The following TTC7B variants were observed in gnomAD, a reference collection of about 807,000 sequenced individuals.
The protein encoded by TTC7B is tetratricopeptide repeat protein 7B.
Under a neutral mutation model 106.8 loss-of-function variants are expected in TTC7B, and 28 were observed. That is an observed-to-expected ratio of 0.26 (90% CI 0.19 to 0.36). The LOEUF (loss-of-function observed/expected upper bound fraction) is 0.36, where lower values mean the gene tolerates loss of function less well. TTC7B is among the 10% of genes least tolerant of loss of function. TTC7B has a pLI of 1.00. For synonymous variants in TTC7B, 405 were observed against 430.6 expected (o/e 0.94, Z 0.74); for missense variants, 862 against 1,076.4 (o/e 0.80, Z 2.79).
intron 1 of TTC7B, among the ~76,000 whole-genome samples, chr14:90,813,880 C>G (rs1038962080): frequency 6.6e-5 from 10 of 152,150 alleles, no homozygotes; most frequent in Admixed American, 1.3e-4. Flanking sequence ...TCTACCAGCC[C>G]GAGAGTGGGA....
intron 15 of TTC7B, among the ~76,000 whole-genome samples, chr14:90,641,942 T>C (rs965411910): frequency 2.0e-5 from 3 of 151,810 alleles, no homozygotes; most frequent in African/African-American, 4.8e-5. Context: ...TGCGTGTGTG[T>C]GTGTGTGTGT....
chr14:90,696,488 C>T (rs543017815), intron 5 of TTC7B, among the ~76,000 whole-genome samples: 42 of 152,168 alleles, frequency 2.8e-4, no homozygotes, highest in Non-Finnish European at 5.1e-4. Flanking sequence ...CCAGTGCAAA[C>T]GTGTCAGCCA....
intron 5 of TTC7B, among the ~76,000 whole-genome samples, chr14:90,696,190 A>C: frequency 6.6e-6 from 1 of 152,202 alleles, no homozygotes; most frequent in East Asian, 1.9e-4. Flanking sequence ...GAGCTCCCTG[A>C]GTGTGAGCAG....
At chr14:90,638,073 T>TG (rs1271819378) in intron 15 of TTC7B, among the ~76,000 whole-genome samples, 2 of 151,404 alleles carry the variant, frequency 1.3e-5, no homozygotes, top group Non-Finnish European at 2.9e-5. Context: ...TATCTAGAGA[T>TG]GGGGTCTCAC....
intron 1 of TTC7B, among the ~76,000 whole-genome samples, chr14:90,788,065 T>G (rs530994456): frequency 4.0e-5 from 5 of 123,630 alleles, no homozygotes; most frequent in African/African-American, 1.3e-4. Context: ...CTAGGGAGGC[T>G]GAGGCAAGAG....
intron 5 of TTC7B, among the ~76,000 whole-genome samples, chr14:90,722,135 G>A (rs1440759487): frequency 6.6e-6 from 1 of 152,178 alleles, no homozygotes; most frequent in Admixed American, 6.5e-5. Context: ...GCATCCCCAA[G>A]TTGGCCTTAG....
At chr14:90,674,083 G>A (rs957383474) in intron 9 of TTC7B, among the ~76,000 whole-genome samples, 11 of 152,072 alleles carry the variant, frequency 7.2e-5, no homozygotes, top group South Asian at 2.1e-4. Context: ...GGTTTGTTAC[G>A]TGAATTGTAC....
chr14:90,743,932 C>T (rs527917690), intron 4 of TTC7B, among the ~76,000 whole-genome samples: 11 of 152,368 alleles, frequency 7.2e-5, no homozygotes, highest in African/African-American at 1.2e-4. Flanking sequence ...CTTAGAACCC[C>T]GAGCTCACTC....
intron 19 of TTC7B, among the ~76,000 whole-genome samples, chr14:90,548,478 A>G (rs1359817305): frequency 2.6e-5 from 4 of 152,238 alleles, no homozygotes; most frequent in Admixed American, 2.6e-4. Flanking sequence ...TGTGCAAGCC[A>G]TTATGATCAA....
At position 90,676,664 on chromosome 14, in the gene TTC7B, A is replaced by C. The variant is rs1462303101; in HGVS notation, c.1015-4T>G. The C allele has an allele frequency of 6.2e-7, 1 of 1,613,204 alleles. No homozygotes were observed. Among genetic ancestry groups the C allele is most frequent in the Admixed American group, 1.7e-5 (1 of 59,980 alleles). On this transcript the variant is annotated splice_polypyrimidine_tract_variant and splice_region_variant and intron_variant, in intron 8 of 19. Coordinates refer to ENST00000328459, the MANE Select transcript of TTC7B (RefSeq NM_001010854.2). ...TCAGCACAGCGTCCCGGTTGGCCTG[A>C]AAAAACATGGAATAGAGAAGCAGAT... is the stretch of plus-strand genomic sequence containing the variant.
intron 19 of TTC7B, among the ~76,000 whole-genome samples, chr14:90,558,716 C>A (rs1890435928): frequency 6.6e-6 from 1 of 152,240 alleles, no homozygotes; most frequent in Admixed American, 6.5e-5. Flanking sequence ...GCCCTGCCGG[C>A]CTCTGTTCAC....
At position 90,766,963 on chromosome 14, in the gene TTC7B, ACT is replaced by A. The variant is rs1027605256; in HGVS notation, c.445+13773_445+13774del. 4 of 1,434,568 alleles carry A rather than the reference ACT, an allele frequency of 2.8e-6. No individual in the cohort carries two copies. The Admixed American group carries it at 6.9e-5, about 25-fold the overall frequency. The allele number at this position is 1,434,568 out of a possible 1,614,324, so 88.9% of individuals were successfully genotyped here. The stretch of plus-strand genomic sequence containing the variant: ...CAAGACCACTGGCCGCCATGGCCGC[ACT>A]GTGGGTGTGTCCAAGAAGAAATAAG... On this transcript the variant is annotated intron_variant, in intron 3 of 19. Coordinates refer to ENST00000328459, the MANE Select transcript of TTC7B (RefSeq NM_001010854.2).
intron 17 of TTC7B, among the ~76,000 whole-genome samples, chr14:90,604,352 T>C (rs1465954088): frequency 2.0e-5 from 3 of 152,254 alleles, no homozygotes; most frequent in Non-Finnish European, 4.4e-5. Flanking sequence ...ATACACGGTG[T>C]TTAAACAGTA....
At chr14:90,724,587 C>T (rs1288274838) in intron 5 of TTC7B, among the ~76,000 whole-genome samples, 3 of 152,192 alleles carry the variant, frequency 2.0e-5, no homozygotes, top group African/African-American at 7.2e-5. Flanking sequence ...CACTCTCTTG[C>T]TCCTGCTCTG....
intron 5 of TTC7B, among the ~76,000 whole-genome samples, chr14:90,702,458 G>A (rs560202816): frequency 6.6e-6 from 1 of 152,166 alleles, no homozygotes; most frequent in South Asian, 2.1e-4. Context: ...AAACTAGTCA[G>A]TAAATGTAGG....
At chr14:90,547,524 T>G (rs564613987) in intron 19 of TTC7B, among the ~76,000 whole-genome samples, 1 of 152,354 alleles carries the variant, frequency 6.6e-6, no homozygotes, top group African/African-American at 2.4e-5. Context: ...GGCTGGACAC[T>G]GTGGCTCACG....
intron 19 of TTC7B, among the ~76,000 whole-genome samples, chr14:90,558,162 C>G (rs1005921116): frequency 1.3e-5 from 2 of 152,276 alleles, no homozygotes; most frequent in African/African-American, 2.4e-5. Flanking sequence ...GCCTCCGTGC[C>G]AGGGTGCCCC....
At chr14:90,637,298 T>C (rs917712897) in intron 15 of TTC7B, among the ~76,000 whole-genome samples, 5 of 152,034 alleles carry the variant, frequency 3.3e-5, no homozygotes, top group African/African-American at 7.2e-5. Context: ...TATAATATAA[T>C]TACAGCTTAT....
At chr14:90,722,531 A>T (rs1009785061) in intron 5 of TTC7B, among the ~76,000 whole-genome samples, 7 of 152,192 alleles carry the variant, frequency 4.6e-5, no homozygotes, top group Non-Finnish European at 7.3e-5. Flanking sequence ...TCATTCTGCC[A>T]TCGGTCCTTC....
Sources: allele counts gnomAD v4.1 joint callset (sites outside exome capture counted in the v4.1 genomes callset), GRCh38; gene constraint gnomAD v4.1.1; transcripts MANE v1.5; gene names NCBI Gene and HGNC (gene_info 2026-07-23, HGNC 2026-07-21).